Variants in ACYP2 observed in about 807,000 individuals in gnomAD.
ACYP2 encodes acylphosphatase-2.
Under a neutral mutation model 11.2 loss-of-function variants are expected in ACYP2, and 12 were observed. The ratio of observed to expected loss-of-function variants is 1.08; its 90% CI spans 0.69 to 1.74. ACYP2 has a LOEUF of 1.74. ACYP2 is among the 40% of genes most tolerant of loss of function. The pLI, the probability that ACYP2 is intolerant of heterozygous loss-of-function variation, is 0.00. For synonymous variants in ACYP2, 43 were observed against 32.2 expected, an observed-to-expected ratio of 1.33 and a Z score of -1.13; for missense variants, 134 against 101.9, an observed-to-expected ratio of 1.31 and a Z score of -1.35.
At chr2:54,262,180 C>A (rs185770517) in intron 6 of ACYP2, among the ~76,000 whole-genome samples, 1 of 152,182 alleles carries the variant, frequency 6.6e-6, no homozygotes, top group Non-Finnish European at 1.5e-5. Context: ...TGAGCAGAGC[C>A]ACAGGCTTGT....
intron 2 of ACYP2, among the ~76,000 whole-genome samples, chr2:54,048,347 A>G (rs1675636112): frequency 6.6e-6 from 1 of 152,138 alleles, no homozygotes. Context: ...AATTGCTTGA[A>G]CAAGGGAGGT....
chr2:54,115,642 G>A, intron 4 of ACYP2: 5 of 1,584,768 alleles, frequency 3.2e-6, no homozygotes, highest in Non-Finnish European at 3.4e-6. Flanking sequence ...CGCAGCCGCC[G>A]CAGTCGCTGC....
intron 6 of ACYP2, among the ~76,000 whole-genome samples, chr2:54,250,132 A>G (rs1419850317): frequency 1.3e-5 from 2 of 151,996 alleles, no homozygotes; most frequent in African/African-American, 4.8e-5. Context: ...TTCCATCCTC[A>G]TCTATCTTAG....
chr2:54,110,280 C>T (rs1679391383), intron 4 of ACYP2, among the ~76,000 whole-genome samples: 1 of 152,070 alleles, frequency 6.6e-6, no homozygotes, highest in Admixed American at 6.5e-5. Flanking sequence ...AAATCAAGCG[C>T]CAAATATTAT....
intron 4 of ACYP2, among the ~76,000 whole-genome samples, chr2:54,074,982 C>T (rs1163453627): frequency 6.6e-6 from 1 of 152,178 alleles, no homozygotes; most frequent in Non-Finnish European, 1.5e-5. Flanking sequence ...CTGGGCACTG[C>T]GGCCCAGCCA....
chr2:54,103,251 A>C (rs138332077), intron 4 of ACYP2, among the ~76,000 whole-genome samples: 1 of 152,250 alleles, frequency 6.6e-6, no homozygotes, highest in Non-Finnish European at 1.5e-5. Flanking sequence ...GGAATAATGC[A>C]TAGATAAAAG....
At chr2:54,074,930 A>G (rs756619410) in intron 4 of ACYP2, among the ~76,000 whole-genome samples, 2 of 152,152 alleles carry the variant, frequency 1.3e-5, no homozygotes, top group African/African-American at 2.4e-5. Flanking sequence ...CTCACCCAAA[A>G]TACCCCCACA....
intron 2 of ACYP2, among the ~76,000 whole-genome samples, chr2:54,035,027 A>ATAAAAAAAAAAAT (rs1674810574): frequency 2.7e-5 from 4 of 147,632 alleles, no homozygotes; most frequent in African/African-American, 9.9e-5. Context: ...AAAAAAAAAA[A>ATAAAAAAAAAAAT]AAAAAGCCTA....
At chr2:54,170,444 C>T (rs543614297) in intron 6 of ACYP2, among the ~76,000 whole-genome samples, 4 of 152,138 alleles carry the variant, frequency 2.6e-5, no homozygotes, top group South Asian at 2.1e-4. Flanking sequence ...TGAGCCACCA[C>T]GCCTGGCCAG....
intron 6 of ACYP2, among the ~76,000 whole-genome samples, chr2:54,263,038 G>A (rs1366384829): frequency 6.6e-6 from 1 of 152,196 alleles, no homozygotes; most frequent in African/African-American, 2.4e-5. Context: ...GGACAAGGTA[G>A]TGAGACCCTG....
intron 4 of ACYP2, among the ~76,000 whole-genome samples, chr2:54,122,311 C>T (rs988726761): frequency 4.6e-5 from 7 of 152,168 alleles, no homozygotes; most frequent in African/African-American, 1.7e-4. Flanking sequence ...GCAAACATTC[C>T]TCTCAGGGTT....
At chr2:54,271,487 C>CG (rs944117161) in intron 6 of ACYP2, among the ~76,000 whole-genome samples, 1 of 152,146 alleles carries the variant, frequency 6.6e-6, no homozygotes, top group African/African-American at 2.4e-5. Context: ...TGTGGCCCCC[C>CG]ACCCAAAGGA....
intron 6 of ACYP2, among the ~76,000 whole-genome samples, chr2:54,147,902 C>T (rs1363167848): frequency 6.6e-6 from 1 of 152,070 alleles, no homozygotes; most frequent in Non-Finnish European, 1.5e-5. Context: ...ATATTTTCAG[C>T]TATAAGTTAA....
At chr2:54,072,253 T>G (rs1677082846) in intron 4 of ACYP2, among the ~76,000 whole-genome samples, 1 of 152,154 alleles carries the variant, frequency 6.6e-6, no homozygotes, top group African/African-American at 2.4e-5. Context: ...ATTTTCCAAA[T>G]TAATCTACAG....
chr2:54,121,126 G>A (rs146452884), intron 4 of ACYP2, among the ~76,000 whole-genome samples: 168 of 152,222 alleles, frequency 1.1e-3, no homozygotes, highest in African/African-American at 3.7e-3. Context: ...TGAGGTACGC[G>A]GACACTGGAG....
chr2:54,026,969 G>C (rs574541819), intron 2 of ACYP2, among the ~76,000 whole-genome samples: 8 of 152,282 alleles, frequency 5.3e-5, no homozygotes, highest in Non-Finnish European at 1.2e-4. Context: ...CACTGCTTAG[G>C]TGATGTGTGC....
At chr2:54,100,655 A>C (rs1678844495) in intron 4 of ACYP2, among the ~76,000 whole-genome samples, 1 of 152,042 alleles carries the variant, frequency 6.6e-6, no homozygotes, top group Non-Finnish European at 1.5e-5. Flanking sequence ...AAATCATGCC[A>C]CATTTTAACT....
chr2:54,093,756 C>T (rs903538793), intron 4 of ACYP2, among the ~76,000 whole-genome samples: 5 of 151,930 alleles, frequency 3.3e-5, no homozygotes, highest in African/African-American at 9.7e-5. Flanking sequence ...CTGGCTAACA[C>T]GGTGAAAACC....
At chr2:54,054,379 A>G (rs548858508) in intron 3 of ACYP2, among the ~76,000 whole-genome samples, 14 of 152,212 alleles carry the variant, frequency 9.2e-5, no homozygotes, top group Non-Finnish European at 1.9e-4. Context: ...CCAACGATGC[A>G]TTTCTAAGTT....
Sources: allele counts gnomAD v4.1 joint callset (sites outside exome capture counted in the v4.1 genomes callset), GRCh38; gene constraint gnomAD v4.1.1; transcripts MANE v1.5; gene names NCBI Gene and HGNC (gene_info 2026-07-23, HGNC 2026-07-21).